Variants in DERA observed in about 807,000 individuals in gnomAD.
DERA encodes deoxyribose-phosphate aldolase, also known as 2-deoxy-D-ribose 5-phosphate aldolase.
Under a neutral mutation model 41.1 loss-of-function variants are expected in DERA, and 15 were observed. The ratio of observed to expected loss-of-function variants is 0.37; its 90% CI spans 0.24 to 0.56. The LOEUF (loss-of-function observed/expected upper bound fraction) is 0.56, where lower values mean the gene tolerates loss of function less well. DERA is among the 20% of genes least tolerant of loss of function. The pLI, the probability that DERA is intolerant of heterozygous loss-of-function variation, is 0.81. For synonymous variants in DERA, 139 were observed against 137.4 expected, an observed-to-expected ratio of 1.01 and a Z score of -0.08; for missense variants, 396 against 403.4, an observed-to-expected ratio of 0.98 and a Z score of 0.16.
intron 6 of DERA, among the ~76,000 whole-genome samples, chr12:16,018,981 C>T (rs1257439998): frequency 6.6e-6 from 1 of 152,072 alleles, no homozygotes; most frequent in Non-Finnish European, 1.5e-5. Flanking sequence ...GATATTTTCT[C>T]ATAAGATTTT....
chr12:15,991,071 C>T (rs1948798766), intron 6 of DERA, among the ~76,000 whole-genome samples: 1 of 152,156 alleles, frequency 6.6e-6, no homozygotes, highest in Admixed American at 6.5e-5. Flanking sequence ...TACACTCCCA[C>T]CAACAGTGTA....
Position 15,962,901 on chromosome 12 carries a change from C to T in DERA, c.462C>T (p.Ile154=), listed in dbSNP as rs751549716. Residue 154 remains isoleucine (I), a synonymous_variant, in exon 5 of 9, where the codon ATC becomes ATT. Coordinates refer to ENST00000428559, the MANE Select transcript of DERA (RefSeq NM_015954.4). ...RLAVEDGATE[I]DVVINRSLVL... ...CTGTGGAAGATGGAGCTACAGAAAT[C>T]GACGTGGTAATTAACAGAAGCTTGG... 89 of 1,598,930 alleles carry T rather than the reference C, an allele frequency of 5.6e-5. No individual in the cohort carries two copies. Among genetic ancestry groups the T allele is most frequent in the East Asian group, 2.9e-4 (13 of 44,604 alleles).
intron 6 of DERA, among the ~76,000 whole-genome samples, chr12:15,991,134 C>T (rs1948799308): frequency 6.6e-6 from 1 of 151,992 alleles, no homozygotes; most frequent in South Asian, 2.1e-4. Context: ...TTTTTGACTT[C>T]TTAATTTTAT....
At chr12:16,028,447 C>T (rs973308489) in intron 6 of DERA, among the ~76,000 whole-genome samples, 220 of 152,300 alleles carry the variant, frequency 1.4e-3, no homozygotes, top group African/African-American at 5.1e-3. Flanking sequence ...AGGACACAAA[C>T]CTTCCCATAT....
intron 6 of DERA, among the ~76,000 whole-genome samples, chr12:16,029,871 G>A (rs1481157441): frequency 7.1e-6 from 1 of 141,064 alleles, no homozygotes; most frequent in Non-Finnish European, 1.5e-5. Flanking sequence ...TGGTTTTTAA[G>A]AGATCATGCC....
At chr12:15,912,675 T>TTAG (rs1195202076) in intron 1 of DERA, among the ~76,000 whole-genome samples, 3 of 152,102 alleles carry the variant, frequency 2.0e-5, no homozygotes, top group Admixed American at 2.0e-4. Flanking sequence ...ATAGATAGTA[T>TTAG]TAGTATATGG....
At chr12:15,953,234 C>A (rs1948511866) in intron 1 of DERA, among the ~76,000 whole-genome samples, 1 of 152,130 alleles carries the variant, frequency 6.6e-6, no homozygotes, top group Non-Finnish European at 1.5e-5. Flanking sequence ...TTTATCCAGC[C>A]AGTGTGGTAA....
At position 15,970,453 on chromosome 12, in the gene DERA, T is replaced by C. The variant is rs1369921901; in HGVS notation, c.508+7506T>C. On this transcript the variant is annotated intron_variant, in intron 5 of 8. Coordinates refer to ENST00000428559, the MANE Select transcript of DERA (RefSeq NM_015954.4). This position sits in a 1 kb window ranked among gnomAD's most constrained non-coding sequence, Gnocchi z 4.3. ...TGTCTAGAGCAGTGCTTTTCCAGAA[T>C]ACTTAGCAGATTGCCAGCCGCTTCA... Among the ~76,000 whole-genome samples the C allele has an allele frequency of 6.6e-6, 1 of 152,172 alleles. No homozygotes were observed. The highest frequency in any genetic ancestry group is 1.5e-5 in the Non-Finnish European group (1 of 68,024).
Position 16,026,300 on chromosome 12 carries a change from T to C in DERA, c.638-6242T>C, listed in dbSNP as rs1004792008. On this transcript the variant is annotated intron_variant, in intron 6 of 8. Transcript: ENST00000428559. The surrounding 1 kb of genome is among the most constrained non-coding windows in gnomAD (Gnocchi z 4.4). ...ATTGGTAAACAGCTAGCTAGGCTAA[T>C]CAAGAATAAAAGAGAAAAGACATAA... Among the ~76,000 whole-genome samples, 1 of 150,590 alleles carries C rather than the reference T, an allele frequency of 6.6e-6. No homozygotes were observed. The highest frequency in any genetic ancestry group is 6.6e-5 in the Admixed American group (1 of 15,148).
At chr12:16,006,978 T>C (rs1948914898) in intron 6 of DERA, among the ~76,000 whole-genome samples, 2 of 152,258 alleles carry the variant, frequency 1.3e-5, no homozygotes, top group South Asian at 4.1e-4. Context: ...TGCTTTAGTT[T>C]TTAAATATTT....
rs889530018 is a variant in DERA, at chr12:15,924,720, G to A, written c.31+13306G>A. 6.6e-6 allele frequency among the ~76,000 whole-genome samples: 1 copy of A among 152,020 alleles called. No homozygotes were observed. ...GGTAGCCATTATTGTAATTCCAATC[G>A]ATCCTATATTGTGAAAATACTTGGC... On this transcript the variant is annotated intron_variant, in intron 1 of 8. Coordinates refer to ENST00000428559, the MANE Select transcript of DERA (RefSeq NM_015954.4). The surrounding 1 kb of genome is among the most constrained non-coding windows in gnomAD (Gnocchi z 5.0).
chr12:15,935,988 A>G lies in DERA; in HGVS notation c.32-20948A>G, dbSNP rs113719382. On this transcript the variant is annotated intron_variant, in intron 1 of 8. Coordinates refer to ENST00000428559, the MANE Select transcript of DERA (RefSeq NM_015954.4). The surrounding 1 kb of genome is among the most constrained non-coding windows in gnomAD (Gnocchi z 4.8). ...AGCTTAGTGCTGACACCTGGTGAGA[A>G]GCCTCAGCCCTTTACCATGTGAACA... 7.7e-3 allele frequency among the ~76,000 whole-genome samples: 1,180 copies of G among 152,338 alleles called. 23 individuals carry two copies. Among genetic ancestry groups the G allele is most frequent in the African/African-American group, 0.028 (1,146 of 41,580 alleles).
chr12:16,012,776 C>A lies in DERA; in HGVS notation c.638-19766C>A, dbSNP rs1948955113. Among the ~76,000 whole-genome samples the A allele has an allele frequency of 6.6e-6, 1 of 151,956 alleles. No homozygotes were observed. Among genetic ancestry groups the A allele is most frequent in the Non-Finnish European group, 1.5e-5 (1 of 68,020 alleles). On this transcript the variant is annotated intron_variant, in intron 6 of 8. Transcript: ENST00000428559. This position sits in a 1 kb window ranked among gnomAD's most constrained non-coding sequence, Gnocchi z 4.1. Reference sequence around the variant, plus strand: ...GAAGCTCTGTAAAAATGCTGTTGAACAGATATATTTAATTTAAAAATTTTT... The same window carrying A: ...GAAGCTCTGTAAAAATGCTGTTGAAAAGATATATTTAATTTAAAAATTTTT...
chr12:16,006,687 T>A (rs1248769266), intron 6 of DERA, among the ~76,000 whole-genome samples: 1 of 152,276 alleles, frequency 6.6e-6, no homozygotes, highest in African/African-American at 2.4e-5. Context: ...TCTGCCTATC[T>A]CTCAGAATGG....
rs192421289 is a variant in DERA at position 16,016,448 on chromosome 12, T to C, written c.638-16094T>C. On this transcript the variant is annotated intron_variant, in intron 6 of 8. Transcript: ENST00000428559. ...AGAAGTGGTCTTGTAAACACTTGAA[T>C]TAAATAACCCTTTCTTTTTTCCAAA... is the stretch of plus-strand genomic sequence containing the variant. Among the ~76,000 whole-genome samples, 8 of 152,266 alleles carry C rather than the reference T, an allele frequency of 5.3e-5. No homozygotes were observed. The East Asian group carries it at 1.3e-3, about 26-fold the overall frequency.
At chr12:15,919,615 A>C (rs1948226600) in intron 1 of DERA, among the ~76,000 whole-genome samples, 1 of 152,220 alleles carries the variant, frequency 6.6e-6, no homozygotes, top group South Asian at 2.1e-4. Context: ...CTCAGCTGTA[A>C]CAGTGAGTTC....
rs555362271 is a variant in DERA at position 16,030,053 on chromosome 12, G to C, written c.638-2489G>C. 8.0e-5 allele frequency among the ~76,000 whole-genome samples: 12 copies of C among 149,906 alleles called. No individual in the cohort carries two copies. In the South Asian group the frequency reaches 2.3e-3, roughly 29 times the overall value. ...TTCTCTTGCCTCAGCCTCCCGAGTA[G>C]CTGGGACTACAGGCACCCACCACCA... On this transcript the variant is annotated intron_variant, in intron 6 of 8. Coordinates refer to ENST00000428559, the MANE Select transcript of DERA (RefSeq NM_015954.4).
chr12:15,959,826 T>C lies in DERA; in HGVS notation c.278-3T>C. 1 of 1,533,070 alleles carries C rather than the reference T, an allele frequency of 6.5e-7. No homozygotes were observed. Among genetic ancestry groups the C allele is most frequent in the Non-Finnish European group, 8.8e-7 (1 of 1,132,928 alleles). The allele number at this position is 1,533,070 out of a possible 1,614,324, so 95.0% of individuals were successfully genotyped here. ...GTTGGCTATTCCTATTTTTTCTTGA[T>C]AGGCATTACTACAGCCGCCGTTTGT... On this transcript the variant is annotated splice_polypyrimidine_tract_variant and splice_region_variant and intron_variant, in intron 3 of 8. Coordinates refer to ENST00000428559, the MANE Select transcript of DERA (RefSeq NM_015954.4). This position sits in a 1 kb window ranked among gnomAD's most constrained non-coding sequence, Gnocchi z 4.5.
chr12:15,980,790 G>T (rs567254976), intron 5 of DERA, among the ~76,000 whole-genome samples: 1 of 152,046 alleles, frequency 6.6e-6, no homozygotes, highest in African/African-American at 2.4e-5. Context: ...AACTTACTGA[G>T]CATCTTGGAA....
Sources: gnomAD v4.1 joint callset for allele counts (sites outside exome capture counted in the v4.1 genomes callset) on GRCh38, gnomAD v4.1.1 for gene constraint, Gnocchi (gnomAD v3.1) non-coding constraint, MANE v1.5 for transcripts, NCBI Gene and HGNC (gene_info 2026-07-23, HGNC 2026-07-21) for gene names.